DYNLT3: variants seen among roughly 807,000 people sequenced by gnomAD.
DYNLT3 encodes protein 91/23.
In DYNLT3, 4 loss-of-function variants were observed where a neutral mutation model predicts 11.0. The ratio of observed to expected loss-of-function variants is 0.36; its 90% CI spans 0.18 to 0.83. DYNLT3 has a LOEUF of 0.83. DYNLT3 is among the 40% of genes least tolerant of loss of function. The probability of loss-of-function intolerance (pLI) is 0.47; values close to 1 mark genes in which losing one functional copy is unlikely to be tolerated. For missense variants in DYNLT3, 91 were observed against 91.1 expected, an observed-to-expected ratio of 1.00 and a Z score of 0.01; for synonymous variants, 37 against 31.2, an observed-to-expected ratio of 1.18 and a Z score of -0.61.
intron 2 of DYNLT3, among the ~76,000 whole-genome samples, chrX:37,846,063 C>T (rs1019899223): frequency 2.7e-5 from 3 of 111,450 alleles, no homozygotes; most frequent in Non-Finnish European, 3.8e-5. Context: ...CCCAGCTACT[C>T]GGGAGGCTGA....
rs1447296199 is a variant in DYNLT3, at chrX:37,839,738, C to A, written c.*837G>T. 8.9e-6 allele frequency: 1 copy of A among 112,444 alleles called. No individual in the cohort carries two copies. Among genetic ancestry groups the A allele is most frequent in the East Asian group, 2.8e-4 (1 of 3,616 alleles). The allele number at this position is 112,444 out of a possible 1,213,427, so 9.3% of individuals were successfully genotyped here. ...TCTTTTCCTTCCCCAAATATTAATA[C>A]GTCTTCCAACTGAACAATTGCTAAA... is the stretch of plus-strand genomic sequence containing the variant. On this transcript the variant is annotated 3_prime_UTR_variant, in exon 5 of 5. Coordinates refer to ENST00000378578, the MANE Select transcript of DYNLT3 (RefSeq NM_006520.3).
chrX:37,840,706 GAA>G, intron 4 of DYNLT3, 55 bp from the exon 5 acceptor site: 1 of 781,886 alleles, frequency 1.3e-6, no homozygotes, highest in Non-Finnish European at 1.8e-6. Flanking sequence ...AATTATCAGA[GAA>G]TATATATATA....
intron 2 of DYNLT3, among the ~76,000 whole-genome samples, chrX:37,845,409 GAATT>G (rs1044937093): frequency 2.2e-4 from 25 of 111,932 alleles, no homozygotes; most frequent in African/African-American, 6.5e-4. Context: ...TCCCCTGCCA[GAATT>G]AATTCCCAAA....
rs1930097787 is a variant in DYNLT3 at position 37,839,274 on chromosome X, T to A, written c.*1301A>T. The A allele has an allele frequency of 2.7e-5, 3 of 112,216 alleles. No homozygotes were observed. Among genetic ancestry groups the A allele is most frequent in the Non-Finnish European group, 5.6e-5 (3 of 53,142 alleles). 9.2% of individuals were successfully genotyped at this position (112,216 alleles called of 1,213,427 possible). On this transcript the variant is annotated 3_prime_UTR_variant, in exon 5 of 5. Transcript: ENST00000378578. ...ATATGTATTAGTGTTAGTGGTAATA[T>A]GCAAAACTGATTTTGTTTTCAGGGT...
Position 37,840,041 on chromosome X carries a change from AGTT to A in DYNLT3, c.*531_*533del, listed in dbSNP as rs140268139. 0.18 allele frequency: 19,896 copies of A among 111,511 alleles called. 1,342 individuals carry two copies. The highest frequency in any genetic ancestry group is 0.24 in the African/African-American group (7,312 of 30,638). 9.2% of individuals were successfully genotyped at this position (111,511 alleles called of 1,213,427 possible). On this transcript the variant is annotated 3_prime_UTR_variant, in exon 5 of 5. Coordinates refer to ENST00000378578, the MANE Select transcript of DYNLT3 (RefSeq NM_006520.3). ...CAGAAAAAGTAAACAAGTTAATCATAGTTGTTACTATACTATTAGTTGATAGAA... is the reference window on the plus strand; with the variant it reads ...CAGAAAAAGTAAACAAGTTAATCATAGTTACTATACTATTAGTTGATAGAA...
intron 1 of DYNLT3, chrX:37,846,933 G>A: frequency 9.4e-7 from 1 of 1,063,223 alleles, no homozygotes; most frequent in Non-Finnish European, 1.3e-6. Flanking sequence ...ATAACAGGGA[G>A]ATAACAACTG....
intron 1 of DYNLT3, among the ~76,000 whole-genome samples, chrX:37,846,713 C>T (rs1252297896): frequency 2.7e-5 from 3 of 111,649 alleles, no homozygotes; most frequent in African/African-American, 9.8e-5. Flanking sequence ...ATGGTTTCAG[C>T]TAAGTGAGAG....
chrX:37,842,406 A>G (rs1930189124), intron 2 of DYNLT3, among the ~76,000 whole-genome samples: 1 of 110,777 alleles, frequency 9.0e-6, no homozygotes, highest in South Asian at 3.7e-4. Flanking sequence ...TCTCATTCAT[A>G]CTATGTGATT....
chrX:37,842,338 T>C (rs1035464861), intron 2 of DYNLT3, among the ~76,000 whole-genome samples: 1 of 111,983 alleles, frequency 8.9e-6, no homozygotes, highest in Admixed American at 9.5e-5. Flanking sequence ...AGGGCTCACA[T>C]GCTAGAAACA....
At chrX:37,847,223 CGT>C in intron 1 of DYNLT3, 1 of 1,018,418 alleles carries the variant, frequency 9.8e-7, no homozygotes, top group Non-Finnish European at 1.3e-6. Flanking sequence ...AGTCAGGCCT[CGT>C]CCTCCCAACC....
At chrX:37,841,510 G>GC (rs761604263) in intron 3 of DYNLT3, among the ~76,000 whole-genome samples, 67 of 111,297 alleles carry the variant, frequency 6.0e-4, no homozygotes, top group African/African-American at 2.2e-3. Flanking sequence ...ACACAGTTGA[G>GC]CTAAGGGGGG....
Position 37,841,797 on chromosome X carries a change from CT to C in DYNLT3, c.180del (p.Ala61ProfsTer6). ...QSLTHLVKLG[K>X]AYKYIVTCAV... The stretch of plus-strand genomic sequence containing the variant: ...TGATACTTACCAATATATTTATAGG[CT>C]TTTCCCAACTTAACCAGGTGTGTTA... On this transcript the variant is annotated frameshift_variant, in exon 3 of 5. Coordinates refer to ENST00000378578, the MANE Select transcript of DYNLT3 (RefSeq NM_006520.3). LOFTEE classifies it high-confidence loss of function. 1 of 1,173,675 alleles carries C rather than the reference CT, an allele frequency of 8.5e-7. No individual in the cohort carries two copies. Among genetic ancestry groups the C allele is most frequent in the Non-Finnish European group, 1.2e-6 (1 of 869,061 alleles).
chrX:37,840,117 G>C lies in DYNLT3; in HGVS notation c.*458C>G, dbSNP rs1382011779. On this transcript the variant is annotated 3_prime_UTR_variant, in exon 5 of 5. Transcript: ENST00000378578. ...CACTAAATATTAAGTACAACTGAGG[G>C]GAAGAAAGTTTAAAAAAACTTAAAA... 3 of 111,485 alleles carry C rather than the reference G, an allele frequency of 2.7e-5. No homozygotes were observed. Among genetic ancestry groups the C allele is most frequent in the African/African-American group, 9.8e-5 (3 of 30,668 alleles). 9.2% of individuals were successfully genotyped at this position (111,485 alleles called of 1,213,427 possible). A position where few individuals can be genotyped will look rare whatever the true frequency, so the allele number is the denominator to read the frequency against.
rs185620588 is a variant in DYNLT3, at chrX:37,839,417, T to C, written c.*1158A>G. On this transcript the variant is annotated 3_prime_UTR_variant, in exon 5 of 5. Transcript: ENST00000378578. ...CTGAGATAACGTGCTAAGGATTGTA[T>C]ACTTTTAATCTATACTTTATTCCAC... 2.7e-5 allele frequency: 3 copies of C among 112,454 alleles called. No individual in the cohort carries two copies. The highest frequency in any genetic ancestry group is 5.5e-4 in the East Asian group (2 of 3,613). The allele number at this position is 112,454 out of a possible 1,213,427, so 9.3% of individuals were successfully genotyped here.
intron 2 of DYNLT3, among the ~76,000 whole-genome samples, chrX:37,843,992 T>C (rs1204687551): frequency 8.9e-6 from 1 of 111,983 alleles, no homozygotes; most frequent in Non-Finnish European, 1.9e-5. Context: ...AAGTAACCTG[T>C]AGCAAAGCTG....
intron 2 of DYNLT3, among the ~76,000 whole-genome samples, chrX:37,844,633 C>T (rs1930233560): frequency 8.9e-6 from 1 of 112,400 alleles, no homozygotes; most frequent in African/African-American, 3.2e-5. Flanking sequence ...GAGGATTGTT[C>T]TTTAACATTC....
Position 37,847,556 on chromosome X carries a change from A to T in DYNLT3, c.-46T>A. 1 of 958,778 alleles carries T rather than the reference A, an allele frequency of 1.0e-6. No individual in the cohort carries two copies. Among genetic ancestry groups the T allele is most frequent in the Non-Finnish European group, 1.3e-6 (1 of 763,011 alleles). The allele number at this position is 958,778 out of a possible 1,213,427, so 79.0% of individuals were successfully genotyped here. On this transcript the variant is annotated 5_prime_UTR_variant, in exon 1 of 5. Coordinates refer to ENST00000378578, the MANE Select transcript of DYNLT3 (RefSeq NM_006520.3). Reference sequence around the variant, plus strand: ...GGGCGGAGCGACACGCCGGTAGAGCACCGCGGCCGCGCACTGGCCTCCGGG... The same window carrying T: ...GGGCGGAGCGACACGCCGGTAGAGCTCCGCGGCCGCGCACTGGCCTCCGGG...
intron 1 of DYNLT3, chrX:37,846,940 A>C: frequency 9.1e-7 from 1 of 1,102,856 alleles, no homozygotes; most frequent in Non-Finnish European, 1.2e-6. Context: ...GGAGATAACA[A>C]CTGACATCAT....
At chrX:37,841,316 G>A (rs1055302674) in intron 3 of DYNLT3, among the ~76,000 whole-genome samples, 3 of 112,002 alleles carry the variant, frequency 2.7e-5, no homozygotes, top group African/African-American at 9.7e-5. Context: ...GACCCCACTG[G>A]ATTCAGTTGG....
Sources: gnomAD v4.1 joint callset for allele counts (sites outside exome capture counted in the v4.1 genomes callset) on GRCh38, gnomAD v4.1.1 for gene constraint, MANE v1.5 for transcripts, NCBI Gene and HGNC (gene_info 2026-07-23, HGNC 2026-07-21) for gene names.